Variants in SGCZ observed in about 807,000 individuals in gnomAD.
SGCZ encodes the protein sarcoglycan zeta, also known as zeta-sarcoglycan.
Under a neutral mutation model 41.3 loss-of-function variants are expected in SGCZ, and 40 were observed. The ratio of observed to expected loss-of-function variants is 0.97; its 90% CI spans 0.75 to 1.26. The LOEUF (loss-of-function observed/expected upper bound fraction) is 1.26, where lower values mean the gene tolerates loss of function less well. SGCZ is among the 50% of genes most tolerant of loss of function. The pLI is 0.00. For missense variants in SGCZ, 552 were observed against 369.8 expected, an observed-to-expected ratio of 1.49 and a Z score of -4.04; for synonymous variants, 206 against 137.5, an observed-to-expected ratio of 1.50 and a Z score of -3.49.
intron 1 of SGCZ, among the ~76,000 whole-genome samples, chr8:14,612,455 T>C (rs958517561): frequency 6.6e-5 from 10 of 152,172 alleles, no homozygotes; most frequent in African/African-American, 2.4e-4. Context: ...GTCAATTAAG[T>C]TTCTTCCCTT....
intron 1 of SGCZ, among the ~76,000 whole-genome samples, chr8:14,622,358 T>A (rs1806314119): frequency 6.6e-6 from 1 of 152,126 alleles, no homozygotes; most frequent in Admixed American, 6.6e-5. Context: ...AGGACTATGT[T>A]CTTATTTGTT....
At chr8:14,341,268 A>G (rs930910442) in intron 2 of SGCZ, among the ~76,000 whole-genome samples, 10 of 152,286 alleles carry the variant, frequency 6.6e-5, no homozygotes, top group African/African-American at 1.9e-4. Flanking sequence ...TCTGCTTTCA[A>G]TTCTTTTGAG....
intron 2 of SGCZ, among the ~76,000 whole-genome samples, chr8:14,425,564 T>G (rs950583339): frequency 2.6e-5 from 4 of 151,766 alleles, no homozygotes; most frequent in Non-Finnish European, 4.4e-5. Flanking sequence ...GACGTTGCAG[T>G]GAGCCAAGAT....
intron 1 of SGCZ, among the ~76,000 whole-genome samples, chr8:14,642,172 C>T (rs377530178): frequency 2.6e-5 from 4 of 151,650 alleles, no homozygotes; most frequent in East Asian, 1.9e-4. Context: ...AGACAACTAA[C>T]GTGAATATTT....
chr8:14,720,684 C>A (rs1809855899), intron 1 of SGCZ, among the ~76,000 whole-genome samples: 1 of 152,050 alleles, frequency 6.6e-6, no homozygotes, highest in African/African-American at 2.4e-5. Context: ...TTGTCTACTT[C>A]TGCTTCCTCA....
intron 3 of SGCZ, among the ~76,000 whole-genome samples, chr8:14,250,899 C>G (rs1799259259): frequency 6.6e-6 from 1 of 152,064 alleles, no homozygotes; most frequent in Non-Finnish European, 1.5e-5. Context: ...TGATATACCG[C>G]CAGATAATTA....
chr8:14,313,544 C>T (rs780779259), intron 3 of SGCZ, among the ~76,000 whole-genome samples: 9 of 152,034 alleles, frequency 5.9e-5, no homozygotes, highest in African/African-American at 9.7e-5. Flanking sequence ...CTCAAACACC[C>T]GACCTAAAAT....
At chr8:14,202,663 A>G (rs1023404258) in intron 4 of SGCZ, among the ~76,000 whole-genome samples, 8 of 152,160 alleles carry the variant, frequency 5.3e-5, no homozygotes, top group African/African-American at 1.7e-4. Flanking sequence ...AAGATATTTT[A>G]TGAAATTTAA....
chr8:14,452,814 G>C (rs1316660209), intron 2 of SGCZ, among the ~76,000 whole-genome samples: 1 of 152,158 alleles, frequency 6.6e-6, no homozygotes, highest in African/African-American at 2.4e-5. Flanking sequence ...AAAAAGAAGA[G>C]TAAGGGGCCG....
intron 7 of SGCZ, among the ~76,000 whole-genome samples, chr8:14,093,824 C>G (rs1209413238): frequency 6.6e-6 from 1 of 152,070 alleles, no homozygotes; most frequent in Non-Finnish European, 1.5e-5. Flanking sequence ...TAAAATAATG[C>G]TAATCTTTCT....
chr8:14,436,940 TG>T (rs11293585), intron 2 of SGCZ, among the ~76,000 whole-genome samples: 4,763 of 152,264 alleles, frequency 0.031, 251 homozygotes, highest in African/African-American at 0.11. Context: ...GCTCAAAAAC[TG>T]GCAGTATTTG....
At chr8:14,909,435 G>A (rs989953753) in intron 1 of SGCZ, among the ~76,000 whole-genome samples, 22 of 151,984 alleles carry the variant, frequency 1.4e-4, no homozygotes, top group African/African-American at 4.6e-4. Context: ...ATAGAATTCT[G>A]CCTTTTTATA....
chr8:14,726,324 C>CTATA (rs1362751704), intron 1 of SGCZ, among the ~76,000 whole-genome samples: 15 of 121,176 alleles, frequency 1.2e-4, no homozygotes, highest in Non-Finnish European at 2.3e-4. Context: ...ATATATATAT[C>CTATA]TATATATATA....
chr8:14,445,403 A>G (rs114065502), intron 2 of SGCZ, among the ~76,000 whole-genome samples: 1,677 of 152,290 alleles, frequency 0.011, 37 homozygotes, highest in African/African-American at 0.038. Flanking sequence ...CTCACTTGGT[A>G]GAGGGAAGAG....
intron 1 of SGCZ, among the ~76,000 whole-genome samples, chr8:15,010,836 G>C (rs940709064): frequency 1.3e-5 from 2 of 152,124 alleles, no homozygotes; most frequent in African/African-American, 2.4e-5. Flanking sequence ...TGGGACACTT[G>C]GGCTAAGAAA....
intron 1 of SGCZ, among the ~76,000 whole-genome samples, chr8:14,977,553 G>A (rs984102534): frequency 6.6e-6 from 1 of 152,032 alleles, no homozygotes; most frequent in Non-Finnish European, 1.5e-5. Flanking sequence ...CTCAGTGACA[G>A]GTATTTTACA....
intron 4 of SGCZ, among the ~76,000 whole-genome samples, chr8:14,167,473 A>C (rs1483024740): frequency 6.6e-6 from 1 of 152,148 alleles, no homozygotes; most frequent in Non-Finnish European, 1.5e-5. Flanking sequence ...CTTAAACACC[A>C]ACTTGCTAAC....
chr8:14,253,243 G>GGTGTGTGTGTGTGTGT (rs10681510), intron 3 of SGCZ, among the ~76,000 whole-genome samples: 5 of 148,858 alleles, frequency 3.4e-5, no homozygotes, highest in African/African-American at 9.9e-5. Flanking sequence ...TTGTGTGTAG[G>GGTGTGTGTGTGTGTGT]GTGTGTGTGT....
At chr8:15,045,697 A>G (rs1168070422) in intron 1 of SGCZ, among the ~76,000 whole-genome samples, 1 of 152,112 alleles carries the variant, frequency 6.6e-6, no homozygotes, top group Non-Finnish European at 1.5e-5. Context: ...GTTCTGCTAC[A>G]CTGACAAAAC....
Sources: allele counts gnomAD v4.1 joint callset (sites outside exome capture counted in the v4.1 genomes callset), GRCh38; gene constraint gnomAD v4.1.1; transcripts MANE v1.5; gene names NCBI Gene and HGNC (gene_info 2026-07-23, HGNC 2026-07-21).